Variants in NCOR2 observed in about 807,000 individuals in gnomAD.
The protein encoded by NCOR2 is CTG repeat protein 26.
A neutral mutation model predicts 262.9 loss-of-function variants in NCOR2; 81 were observed. The observed-to-expected ratio is 0.31, with a 90% CI of 0.26 to 0.37. The LOEUF is 0.37. Among genes scored for constraint, NCOR2 ranks in the 10% least tolerant of loss-of-function variants. NCOR2 has a pLI of 1.00. For synonymous variants in NCOR2, 1,659 were observed against 1,559.3 expected, an observed-to-expected ratio of 1.06 and a Z score of -1.51; for missense variants, 3,385 against 3,621.4, an observed-to-expected ratio of 0.93 and a Z score of 1.68.
chr12:124,447,329 T>C (rs2045242459), intron 7 of NCOR2, among the ~76,000 whole-genome samples: 1 of 152,274 alleles, frequency 6.6e-6, no homozygotes, highest in Admixed American at 6.5e-5. Context: ...AGTCATTCTC[T>C]GAGGAAGATT....
intron 42 of NCOR2, among the ~76,000 whole-genome samples, chr12:124,332,713 C>CTCCA (rs1222573311): frequency 9.2e-5 from 14 of 152,196 alleles, no homozygotes; most frequent in African/African-American, 3.4e-4. Context: ...TGACCACTTG[C>CTCCA]TCCAGCCTGA....
chr12:124,428,859 G>A (rs1254737372), intron 10 of NCOR2, among the ~76,000 whole-genome samples: 13 of 152,246 alleles, frequency 8.5e-5, no homozygotes, highest in Admixed American at 5.2e-4. Context: ...GAAACGTGCC[G>A]TGGCTGCCTC....
chr12:124,524,081 C>G (rs1406738233), intron 1 of NCOR2, among the ~76,000 whole-genome samples: 1 of 152,162 alleles, frequency 6.6e-6, no homozygotes, highest in Non-Finnish European at 1.5e-5. Context: ...GACATTCTAC[C>G]CAGATCACAG....
At chr12:124,428,044 A>AGTGTGTATGTGTGTGTGTGTGTGTGT (rs1941765182) in intron 10 of NCOR2, among the ~76,000 whole-genome samples, 3 of 112,398 alleles carry the variant, frequency 2.7e-5, no homozygotes. Context: ...CCATGTGGCC[A>AGTGTGTATGTGTGTGTGTGTGTGTGT]GTGTGTGTGT....
At chr12:124,455,665 G>C (rs776827545) in intron 6 of NCOR2, among the ~76,000 whole-genome samples, 1 of 152,230 alleles carries the variant, frequency 6.6e-6, no homozygotes, top group African/African-American at 2.4e-5. Context: ...ACTACTGAGC[G>C]CTTCGTAGGG....
At chr12:124,411,345 C>A (rs2042575392) in intron 13 of NCOR2, among the ~76,000 whole-genome samples, 1 of 152,124 alleles carries the variant, frequency 6.6e-6, no homozygotes, top group African/African-American at 2.4e-5. Flanking sequence ...GCAGAGCAGA[C>A]CCAGAGGGAC....
At chr12:124,543,041 TGGGTGGGC>T (rs2051423985) in intron 1 of NCOR2, among the ~76,000 whole-genome samples, 1 of 6,472 alleles carries the variant, frequency 1.5e-4, no homozygotes, top group Admixed American at 1.9e-3. Flanking sequence ...CAAGGGCGGG[TGGGTGGGC>T]GAAGATGGGG....
intron 40 of NCOR2, 93 bp from the exon 43 acceptor site, chr12:124,334,710 A>T (rs2035722130): frequency 3.0e-6 from 2 of 667,800 alleles, no homozygotes; most frequent in Admixed American, 3.5e-5. Flanking sequence ...TCGGGGCAGA[A>T]TCCTGGGTGG....
chr12:124,565,006 A>C (rs2052188886), intron 1 of NCOR2, among the ~76,000 whole-genome samples: 1 of 144,944 alleles, frequency 6.9e-6, no homozygotes, highest in African/African-American at 2.6e-5. Context: ...GGAAATCTTT[A>C]GGAGGTGGCA....
chr12:124,531,757 G>A lies in NCOR2; in HGVS notation c.-118+3808C>T, dbSNP rs577512964. ...AGAGGTGAGATCCCACCGGGCCAGGGCCCTAAAACCTCCCCCTACACACCT... is the reference window on the plus strand; with the variant it reads ...AGAGGTGAGATCCCACCGGGCCAGGACCCTAAAACCTCCCCCTACACACCT... On this transcript the variant is annotated intron_variant, in intron 1 of 46. Transcript: ENST00000404621. The surrounding 1 kb of genome is among the most constrained non-coding windows in gnomAD (Gnocchi z 4.5). Among the ~76,000 whole-genome samples the A allele has an allele frequency of 6.6e-6, 1 of 151,738 alleles. No homozygotes were observed. The highest frequency in any genetic ancestry group is 2.4e-5 in the African/African-American group (1 of 41,274).
chr12:124,447,134 C>T (rs1022775740), intron 7 of NCOR2, among the ~76,000 whole-genome samples: 5 of 152,186 alleles, frequency 3.3e-5, no homozygotes, highest in South Asian at 2.1e-4. Flanking sequence ...AGGCTGGTCT[C>T]GAACTCCTGA....
intron 1 of NCOR2, among the ~76,000 whole-genome samples, chr12:124,555,539 A>G (rs1296738953): frequency 2.6e-5 from 4 of 152,248 alleles, no homozygotes; most frequent in African/African-American, 4.8e-5. Flanking sequence ...CAGGGACTGC[A>G]GTTACCCCCA....
chr12:124,378,790 G>C lies in NCOR2; in HGVS notation c.2020-406C>G, dbSNP rs1318525822. 6.6e-6 allele frequency among the ~76,000 whole-genome samples: 1 copy of C among 152,200 alleles called. No individual in the cohort carries two copies. Among genetic ancestry groups the C allele is most frequent in the Non-Finnish European group, 1.5e-5 (1 of 68,036 alleles). On this transcript the variant is annotated intron_variant, in intron 17 of 46. Transcript: ENST00000405201. This position sits in a 1 kb window ranked among gnomAD's most constrained non-coding sequence, Gnocchi z 4.2. The stretch of plus-strand genomic sequence containing the variant: ...TTTCCTTGCTATGCAAGTCTCACCT[G>C]TCCCTGGGGGAACAGGCCAGCCTGG...
intron 1 of NCOR2, among the ~76,000 whole-genome samples, chr12:124,526,935 CAG>C (rs1305028080): frequency 7.9e-5 from 12 of 152,214 alleles, no homozygotes; most frequent in Admixed American, 6.5e-5. Flanking sequence ...TCAGGCAGGA[CAG>C]AGAGTCCCCC....
chr12:124,478,026 C>G lies in NCOR2; in HGVS notation c.412-4895G>C, dbSNP rs141798697. 4.0e-3 allele frequency among the ~76,000 whole-genome samples: 607 copies of G among 152,332 alleles called. 1 individual carries two copies. Among genetic ancestry groups the G allele is most frequent in the Middle Eastern group, 0.017 (5 of 294 alleles). On this transcript the variant is annotated intron_variant, in intron 3 of 46. Transcript: ENST00000405201. The stretch of plus-strand genomic sequence containing the variant: ...CCTACTCCGGCCACAATGACAGGTT[C>G]TAGGACAGGCATGGGCCCACTCATG...
chr12:124,556,427 C>G, intron 1 of NCOR2: 1 of 152,342 alleles, frequency 6.6e-6, no homozygotes, highest in Non-Finnish European at 1.5e-5. Flanking sequence ...AGACAGACGT[C>G]TCCACCCTTG....
Position 124,429,185 on chromosome 12 carries a change from C to T in NCOR2, c.1149+428G>A, listed in dbSNP as rs554169334. On this transcript the variant is annotated intron_variant, in intron 10 of 46. Coordinates refer to ENST00000405201, the Ensembl canonical transcript of NCOR2. ...TCTTCGGCCTGCGCCATGCTCCCCC[C>T]ACCCTGCCAGGCTCTGGGCCCTGGA... Among the ~76,000 whole-genome samples the T allele has an allele frequency of 2.6e-5, 4 of 152,384 alleles. No homozygotes were observed. The South Asian group carries it at 8.3e-4, about 32-fold the overall frequency.
exon 47 of NCOR2, chr12:124,325,169 C>T: frequency 5.5e-6 from 2 of 366,258 alleles, no homozygotes; most frequent in Admixed American, 9.3e-5. Flanking sequence ...TCCCGAGCAC[C>T]AGGTAAACAT....
chr12:124,346,233 G>A (rs947385516), intron 31 of NCOR2, among the ~76,000 whole-genome samples: 1 of 152,204 alleles, frequency 6.6e-6, no homozygotes, highest in African/African-American at 2.4e-5. Flanking sequence ...GGCCGCACCT[G>A]GACCCTCACA....
Sources: allele counts gnomAD v4.1 joint callset (sites outside exome capture counted in the v4.1 genomes callset), GRCh38; gene constraint gnomAD v4.1.1; non-coding constraint Gnocchi (gnomAD v3.1); transcripts MANE v1.5; gene names NCBI Gene and HGNC (gene_info 2026-07-23, HGNC 2026-07-21).